Variants in CPED1 observed in about 807,000 individuals in gnomAD.
CPED1 encodes cadherin-like and PC-esterase domain-containing protein 1.
CPED1 carries 114 observed loss-of-function variants against 128.2 expected under a neutral mutation model. The observed-to-expected ratio is 0.89, with a 90% CI of 0.76 to 1.04. The LOEUF is 1.04. CPED1 is among the 50% of genes least tolerant of loss of function. The pLI is 0.00. For synonymous variants in CPED1, 462 were observed against 426.7 expected, an observed-to-expected ratio of 1.08 and a Z score of -1.02; for missense variants, 1,211 against 1,207.1, an observed-to-expected ratio of 1.00 and a Z score of -0.05.
chr7:121,159,816 T>A (rs1197554923), intron 16 of CPED1, among the ~76,000 whole-genome samples: 1 of 152,156 alleles, frequency 6.6e-6, no homozygotes, highest in Non-Finnish European at 1.5e-5. Context: ...TCTTTTATCA[T>A]CCTCACGTAG....
chr7:121,275,254 A>G (rs192996644), intron 22 of CPED1, among the ~76,000 whole-genome samples: 1 of 152,282 alleles, frequency 6.6e-6, no homozygotes, highest in Non-Finnish European at 1.5e-5. Context: ...CAAGGCACCA[A>G]AAGAGAATAT....
chr7:121,289,630 A>C (rs1260287281), intron 22 of CPED1, among the ~76,000 whole-genome samples: 1 of 152,178 alleles, frequency 6.6e-6, no homozygotes, highest in Admixed American at 6.5e-5. Context: ...ATATGAGATG[A>C]AAAAATATGT....
intron 7 of CPED1, among the ~76,000 whole-genome samples, chr7:121,112,653 A>G (rs966782520): frequency 3.3e-5 from 5 of 152,232 alleles, no homozygotes; most frequent in Non-Finnish European, 7.3e-5. Context: ...GAAGTCCTAA[A>G]AAGCAAAAGG....
intron 5 of CPED1, among the ~76,000 whole-genome samples, chr7:121,084,271 T>C (rs1161495144): frequency 6.6e-6 from 1 of 152,196 alleles, no homozygotes; most frequent in East Asian, 1.9e-4. Context: ...GAATGAAATA[T>C]CTATAACTCG....
chr7:121,180,832 C>T (rs1480640629), intron 16 of CPED1, among the ~76,000 whole-genome samples: 1 of 151,960 alleles, frequency 6.6e-6, no homozygotes, highest in Non-Finnish European at 1.5e-5. Context: ...ACTTTTAAAA[C>T]TAAAAGTAAT....
At chr7:121,149,947 T>C (rs1796115923) in intron 16 of CPED1, among the ~76,000 whole-genome samples, 1 of 152,158 alleles carries the variant, frequency 6.6e-6, no homozygotes, top group Non-Finnish European at 1.5e-5. Flanking sequence ...TTTCTTCACT[T>C]CCTTCCCCAT....
intron 7 of CPED1, among the ~76,000 whole-genome samples, chr7:121,103,874 T>A (rs1423511796): frequency 6.6e-6 from 1 of 152,132 alleles, no homozygotes; most frequent in African/African-American, 2.4e-5. Context: ...GCTCATTTAT[T>A]TCCAATTAGG....
intron 3 of CPED1, among the ~76,000 whole-genome samples, chr7:121,019,582 A>C (rs1792385581): frequency 6.6e-6 from 1 of 152,050 alleles, no homozygotes; most frequent in African/African-American, 2.4e-5. Flanking sequence ...ACAATGCAAC[A>C]GTCTGCTTGC....
At chr7:121,258,582 T>C (rs1026056058) in intron 18 of CPED1, among the ~76,000 whole-genome samples, 3 of 152,092 alleles carry the variant, frequency 2.0e-5, no homozygotes, top group African/African-American at 7.2e-5. Context: ...CACTCAAGCC[T>C]TATGCTGCTG....
Position 121,141,158 on chromosome 7 carries a change from T to A in CPED1, c.1886+145T>A, listed in dbSNP as rs922089989. On this transcript the variant is annotated intron_variant, in intron 15 of 22. Transcript: ENST00000310396. ...TGTGAACTTTCCCCTTCTCATTTTT[T>A]TTAAAAAAGATTTGTAACCTTTGCA... 4 of 564,592 alleles carry A rather than the reference T, an allele frequency of 7.1e-6. No homozygotes were observed. In the African/African-American group the frequency reaches 7.9e-5, roughly 11 times the overall value. 35.0% of individuals were successfully genotyped at this position (564,592 alleles called of 1,614,324 possible). A position where few individuals can be genotyped will look rare whatever the true frequency, so the allele number is the denominator to read the frequency against.
chr7:121,293,123 T>G (rs1303288919), intron 22 of CPED1, among the ~76,000 whole-genome samples: 1 of 152,180 alleles, frequency 6.6e-6, no homozygotes, highest in Admixed American at 6.5e-5. Context: ...CAACCACAGC[T>G]GCCCCTTCCC....
chr7:121,014,760 G>C (rs1360838663), intron 2 of CPED1, among the ~76,000 whole-genome samples: 2 of 151,830 alleles, frequency 1.3e-5, no homozygotes, highest in African/African-American at 4.8e-5. Context: ...TTTTTACCAA[G>C]TCCCCCTCAT....
intron 4 of CPED1, among the ~76,000 whole-genome samples, chr7:121,055,704 C>T (rs2116010031): frequency 6.6e-6 from 1 of 151,588 alleles, no homozygotes; most frequent in Middle Eastern, 3.4e-3. Flanking sequence ...TCACAAGGCC[C>T]ATAGTCAATA....
chr7:121,008,291 C>T (rs1349639640), intron 2 of CPED1, among the ~76,000 whole-genome samples: 6 of 152,100 alleles, frequency 3.9e-5, no homozygotes, highest in Admixed American at 3.3e-4. Context: ...CACTACTCAC[C>T]GCATTTAGGT....
chr7:121,066,613 AC>A (rs11287934), intron 5 of CPED1, among the ~76,000 whole-genome samples: 126,652 of 152,004 alleles, frequency 0.83, 54,215 homozygotes, highest in East Asian at 0.96. Context: ...TGAAGATCTT[AC>A]CCCCTCTCAC....
chr7:120,990,069 G>T (rs1054079720), intron 2 of CPED1, among the ~76,000 whole-genome samples, 199 bp downstream of exon 2: 4 of 152,138 alleles, frequency 2.6e-5, no homozygotes, highest in Non-Finnish European at 5.9e-5. Context: ...GAAAGTTCTG[G>T]CATTACTTTA....
chr7:121,163,741 A>G (rs933765572), intron 16 of CPED1, among the ~76,000 whole-genome samples: 1 of 152,200 alleles, frequency 6.6e-6, no homozygotes, highest in Non-Finnish European at 1.5e-5. Flanking sequence ...AAAAATGACA[A>G]GTGTCCTGAA....
At chr7:121,113,776 CACT>C (rs1795169689) in intron 7 of CPED1, among the ~76,000 whole-genome samples, 1 of 152,078 alleles carries the variant, frequency 6.6e-6, no homozygotes, top group Non-Finnish European at 1.5e-5. Context: ...TGTAAAGTGA[CACT>C]ACTGTCATTT....
intron 5 of CPED1, among the ~76,000 whole-genome samples, chr7:121,081,564 TAAC>T (rs1237220500): frequency 2.2e-4 from 34 of 152,168 alleles, no homozygotes; most frequent in Admixed American, 2.2e-3. Flanking sequence ...TCACTTTCAT[TAAC>T]ATCATAGGGT....
Sources: gnomAD v4.1 joint callset for allele counts (sites outside exome capture counted in the v4.1 genomes callset) on GRCh38, gnomAD v4.1.1 for gene constraint, MANE v1.5 for transcripts, NCBI Gene and HGNC (gene_info 2026-07-23, HGNC 2026-07-21) for gene names.